PCDH7: variants seen among roughly 807,000 people sequenced by gnomAD.
The protein encoded by PCDH7 is protocadherin 7.
A neutral mutation model predicts 58.9 loss-of-function variants in PCDH7; 17 were observed. That is an observed-to-expected ratio of 0.29 (90% CI 0.20 to 0.43). The LOEUF (loss-of-function observed/expected upper bound fraction) is 0.43, where lower values mean the gene tolerates loss of function less well. PCDH7 is among the 20% of genes least tolerant of loss of function. The pLI is 1.00. For missense variants in PCDH7, 1,274 were observed against 1,441.0 expected, an observed-to-expected ratio of 0.88 and a Z score of 1.88; for synonymous variants, 664 against 616.4, an observed-to-expected ratio of 1.08 and a Z score of -1.14.
chr4:31,106,628 A>G (rs878949374), intron 3 of PCDH7, among the ~76,000 whole-genome samples: 3 of 152,238 alleles, frequency 2.0e-5, no homozygotes, highest in Admixed American at 2.0e-4. Flanking sequence ...CCTATTTAAC[A>G]TTATTAACCA....
At chr4:30,926,543 C>T (rs571895969) in intron 2 of PCDH7, among the ~76,000 whole-genome samples, 6 of 152,318 alleles carry the variant, frequency 3.9e-5, no homozygotes, top group Non-Finnish European at 8.8e-5. Flanking sequence ...ATAAAATGCT[C>T]AGCCTCACAA....
chr4:31,027,611 T>C (rs867538456), intron 3 of PCDH7, among the ~76,000 whole-genome samples: 2 of 151,952 alleles, frequency 1.3e-5, no homozygotes, highest in Non-Finnish European at 1.5e-5. Flanking sequence ...TTAGTAGATA[T>C]GGGGTTTCAC....
At chr4:30,855,737 C>G (rs1733367867) in intron 1 of PCDH7, among the ~76,000 whole-genome samples, 1 of 152,094 alleles carries the variant, frequency 6.6e-6, no homozygotes, top group African/African-American at 2.4e-5. Flanking sequence ...TAGGGCAATT[C>G]TGTTCTTTTT....
chr4:30,960,143 AAGGAAGGAAGGG>A (rs1748262470), intron 3 of PCDH7, among the ~76,000 whole-genome samples: 1 of 27,934 alleles, frequency 3.6e-5, no homozygotes, highest in Non-Finnish European at 5.6e-5. Context: ...GGAAGGAAGG[AAGGAAGGAAGGG>A]AGGGAGGGAG....
At chr4:30,754,698 T>A (rs1719036744) in intron 1 of PCDH7, among the ~76,000 whole-genome samples, 1 of 152,218 alleles carries the variant, frequency 6.6e-6, no homozygotes, top group African/African-American at 2.4e-5. Flanking sequence ...AGGATTTCAA[T>A]ATTTTATCTT....
intron 2 of PCDH7, among the ~76,000 whole-genome samples, chr4:30,941,807 C>A (rs1018187862): frequency 6.6e-6 from 1 of 151,700 alleles, no homozygotes; most frequent in Non-Finnish European, 1.5e-5. Context: ...CTTTGTAAAT[C>A]CTAGATATGT....
chr4:30,729,512 TA>T (rs1217307458), intron 1 of PCDH7, among the ~76,000 whole-genome samples: 1 of 152,042 alleles, frequency 6.6e-6, no homozygotes, highest in Non-Finnish European at 1.5e-5. Flanking sequence ...GTTAAGAACA[TA>T]TATTCTGTTG....
intron 2 of PCDH7, among the ~76,000 whole-genome samples, chr4:30,941,684 C>A (rs1054157736): frequency 6.6e-6 from 1 of 151,830 alleles, no homozygotes; most frequent in Non-Finnish European, 1.5e-5. Context: ...TAGAAATTCT[C>A]ACTCTGTGTT....
intron 1 of PCDH7, among the ~76,000 whole-genome samples, chr4:30,855,319 T>C (rs1463595922): frequency 6.6e-6 from 1 of 152,170 alleles, no homozygotes; most frequent in Non-Finnish European, 1.5e-5. Context: ...TCTTCCTTTA[T>C]TGTGTTTGTT....
intron 1 of PCDH7, among the ~76,000 whole-genome samples, chr4:30,817,255 A>G (rs1245298012): frequency 1.3e-5 from 2 of 152,158 alleles, no homozygotes; most frequent in Admixed American, 6.5e-5. Flanking sequence ...TTTTCCATCT[A>G]TCTCATAGGA....
At chr4:30,817,649 A>C (rs1220699618) in intron 1 of PCDH7, among the ~76,000 whole-genome samples, 2 of 151,934 alleles carry the variant, frequency 1.3e-5, no homozygotes, top group Non-Finnish European at 2.9e-5. Flanking sequence ...TTGACCTGTC[A>C]GCATTTTTCA....
intron 2 of PCDH7, among the ~76,000 whole-genome samples, chr4:30,927,331 C>T (rs955938403): frequency 1.3e-5 from 2 of 152,108 alleles, no homozygotes; most frequent in Admixed American, 6.6e-5. Flanking sequence ...CCCGTCTGCC[C>T]GGCCACCACC....
At chr4:30,863,364 T>A (rs1021175104) in intron 1 of PCDH7, among the ~76,000 whole-genome samples, 1 of 152,090 alleles carries the variant, frequency 6.6e-6, no homozygotes, top group Non-Finnish European at 1.5e-5. Context: ...TGTCTGGAGA[T>A]GTTTTTGGTT....
rs539230525 is a variant in PCDH7, at chr4:31,040,731, C to T, written c.*7+90516C>T. On this transcript the variant is annotated intron_variant, in intron 3 of 3. Coordinates refer to the PCDH7 transcript ENST00000509759. ...AAAATTCAGTGATGTCCTAAAAATACGAACAATTTGAGTTAAAAAAAAGAC... is the reference window on the plus strand; with the variant it reads ...AAAATTCAGTGATGTCCTAAAAATATGAACAATTTGAGTTAAAAAAAAGAC... Among the ~76,000 whole-genome samples the T allele has an allele frequency of 1.6e-4, 25 of 151,834 alleles. No homozygotes were observed. The South Asian group carries it at 2.3e-3, about 14-fold the overall frequency.
chr4:30,984,429 G>C (rs960014144), intron 3 of PCDH7, among the ~76,000 whole-genome samples: 1 of 152,124 alleles, frequency 6.6e-6, no homozygotes, highest in Non-Finnish European at 1.5e-5. Flanking sequence ...TCTGTTCCTT[G>C]GGAACGTTTT....
At chr4:31,110,624 T>A (rs1021328108) in intron 3 of PCDH7, among the ~76,000 whole-genome samples, 23 of 152,134 alleles carry the variant, frequency 1.5e-4, no homozygotes, top group African/African-American at 5.3e-4. Flanking sequence ...TCTTAAAACA[T>A]TGAATACCAG....
intron 1 of PCDH7, among the ~76,000 whole-genome samples, chr4:30,826,495 T>C (rs1269006150): frequency 6.6e-6 from 1 of 152,034 alleles, no homozygotes; most frequent in Non-Finnish European, 1.5e-5. Context: ...CTGGAACTTA[T>C]TCCCAGCATG....
chr4:30,942,524 TC>T (rs1290021144), intron 2 of PCDH7, among the ~76,000 whole-genome samples: 3 of 152,008 alleles, frequency 2.0e-5, no homozygotes, highest in Non-Finnish European at 4.4e-5. Flanking sequence ...AAATGTTCTA[TC>T]CCTCAAGGAT....
chr4:31,060,268 T>G (rs1757582317), intron 3 of PCDH7, among the ~76,000 whole-genome samples: 1 of 151,766 alleles, frequency 6.6e-6, no homozygotes, highest in Non-Finnish European at 1.5e-5. Context: ...ATTACTTCCC[T>G]TAGCATTTAA....
Sources: allele counts gnomAD v4.1 joint callset (sites outside exome capture counted in the v4.1 genomes callset), GRCh38; gene constraint gnomAD v4.1.1; transcripts MANE v1.5; gene names NCBI Gene and HGNC (gene_info 2026-07-23, HGNC 2026-07-21).